The following NOS1AP variants were observed in gnomAD, a reference collection of about 807,000 sequenced individuals.
The protein encoded by NOS1AP is carboxyl-terminal PDZ ligand of neuronal nitric oxide synthase protein.
A neutral mutation model predicts 56.2 loss-of-function variants in NOS1AP; 21 were observed. The ratio of observed to expected loss-of-function variants is 0.37; its 90% CI spans 0.26 to 0.54. The LOEUF is 0.54. NOS1AP is among the 20% of genes least tolerant of loss of function. The probability of loss-of-function intolerance (pLI) is 0.84; values close to 1 mark genes in which losing one functional copy is unlikely to be tolerated. For missense variants in NOS1AP, 522 were observed against 657.8 expected (o/e 0.79, Z 2.26); for synonymous variants, 270 against 274.6 (o/e 0.98, Z 0.17).
At chr1:162,226,997 A>C (rs890232999) in intron 2 of NOS1AP, among the ~76,000 whole-genome samples, 1 of 152,160 alleles carries the variant, frequency 6.6e-6, no homozygotes, top group Non-Finnish European at 1.5e-5. Context: ...ATACTACCTG[A>C]AATGAAATGC....
intron 2 of NOS1AP, among the ~76,000 whole-genome samples, chr1:162,169,193 GGCT>G (rs1650647676): frequency 6.6e-6 from 1 of 152,192 alleles, no homozygotes; most frequent in Non-Finnish European, 1.5e-5. Flanking sequence ...CTGGAGCCCT[GGCT>G]TGACTTTTCT....
At chr1:162,075,095 A>T (rs1570988651) in intron 1 of NOS1AP, among the ~76,000 whole-genome samples, 4 of 152,282 alleles carry the variant, frequency 2.6e-5, no homozygotes, top group Admixed American at 2.6e-4. Context: ...ATATTGCTGA[A>T]GCTGTTTACC....
intron 4 of NOS1AP, among the ~76,000 whole-genome samples, chr1:162,327,726 C>A (rs1571221615): frequency 6.6e-6 from 1 of 152,158 alleles, no homozygotes; most frequent in African/African-American, 2.4e-5. Context: ...AGATGCTTTG[C>A]TAAAAATTCA....
intron 1 of NOS1AP, among the ~76,000 whole-genome samples, chr1:162,149,267 A>C (rs2102087455): frequency 6.6e-6 from 1 of 152,334 alleles, no homozygotes; most frequent in East Asian, 1.9e-4. Flanking sequence ...GAATTGACAG[A>C]GCCTGGATAT....
At chr1:162,127,186 A>G (rs994096677) in intron 1 of NOS1AP, among the ~76,000 whole-genome samples, 3 of 151,884 alleles carry the variant, frequency 2.0e-5, no homozygotes, top group African/African-American at 7.3e-5. Flanking sequence ...GCCCTTTGTG[A>G]TATGTTGTAA....
At chr1:162,085,444 G>T (rs1226539402) in intron 1 of NOS1AP, among the ~76,000 whole-genome samples, 1 of 152,114 alleles carries the variant, frequency 6.6e-6, no homozygotes, top group African/African-American at 2.4e-5. Flanking sequence ...GCAGGCAAAG[G>T]AAGTTTCACT....
At chr1:162,261,011 T>C in intron 2 of NOS1AP, among the ~76,000 whole-genome samples, 1 of 101,362 alleles carries the variant, frequency 9.9e-6, no homozygotes, top group East Asian at 5.0e-4. Context: ...ATTCCCAAGG[T>C]GACTAATATA....
At position 162,334,666 on chromosome 1, in the gene NOS1AP, G is replaced by A. The variant is rs191635532; in HGVS notation, c.453+1541G>A. Reference sequence around the variant, plus strand: ...TGACTGTGCTTCTGACTTTAGTTTCGTACAAAGACTGGACCATGTGGACCT... The same window carrying A: ...TGACTGTGCTTCTGACTTTAGTTTCATACAAAGACTGGACCATGTGGACCT... On this transcript the variant is annotated intron_variant, in intron 5 of 9. Coordinates refer to ENST00000361897, the MANE Select transcript of NOS1AP (RefSeq NM_014697.3). 5.9e-5 allele frequency among the ~76,000 whole-genome samples: 9 copies of A among 152,240 alleles called. No homozygotes were observed. The South Asian group carries it at 6.2e-4, about 11-fold the overall frequency.
At chr1:162,197,980 G>T (rs991126332) in intron 2 of NOS1AP, among the ~76,000 whole-genome samples, 1 of 152,224 alleles carries the variant, frequency 6.6e-6, no homozygotes, top group African/African-American at 2.4e-5. Context: ...CACCAGCCTC[G>T]CCCAGAGTGT....
At chr1:162,296,151 G>A (rs1655451447) in intron 3 of NOS1AP, among the ~76,000 whole-genome samples, 1 of 152,110 alleles carries the variant, frequency 6.6e-6, no homozygotes, top group Non-Finnish European at 1.5e-5. Context: ...GCTGGGCATG[G>A]TGGTGAGTGC....
chr1:162,096,701 G>A (rs1044370102), intron 1 of NOS1AP, among the ~76,000 whole-genome samples: 2 of 152,032 alleles, frequency 1.3e-5, no homozygotes, highest in Admixed American at 1.3e-4. Flanking sequence ...ATATAATATG[G>A]TGCTTATTCT....
intron 2 of NOS1AP, among the ~76,000 whole-genome samples, chr1:162,167,515 G>A (rs1041280422): frequency 6.6e-6 from 1 of 152,226 alleles, no homozygotes; most frequent in African/African-American, 2.4e-5. Flanking sequence ...TGCTTGGTCA[G>A]GACTTCCTCA....
chr1:162,324,249 C>T (rs1331027816), intron 4 of NOS1AP, among the ~76,000 whole-genome samples: 1 of 152,098 alleles, frequency 6.6e-6, no homozygotes, highest in Non-Finnish European at 1.5e-5. Context: ...TCAGATAACA[C>T]AGACACACAG....
chr1:162,247,580 TAGCAATATAA>T (rs889338393), intron 2 of NOS1AP, among the ~76,000 whole-genome samples: 4 of 152,192 alleles, frequency 2.6e-5, no homozygotes, highest in Admixed American at 1.3e-4. Context: ...ACTGGGGTAA[TAGCAATATAA>T]TTTCTACACT....
At chr1:162,365,059 C>T (rs538258010) in intron 8 of NOS1AP, 19 of 1,201,880 alleles carry the variant, frequency 1.6e-5, no homozygotes, top group Admixed American at 1.2e-4. Flanking sequence ...GAGCACCGTG[C>T]GTGTGTGTGT....
At chr1:162,081,281 G>A (rs907109464) in intron 1 of NOS1AP, among the ~76,000 whole-genome samples, 2 of 152,172 alleles carry the variant, frequency 1.3e-5, no homozygotes, top group African/African-American at 4.8e-5. Context: ...TTGTGGCTAT[G>A]TCCGGGACCC....
chr1:162,301,351 C>G (rs1251416027), intron 4 of NOS1AP, among the ~76,000 whole-genome samples: 1 of 152,176 alleles, frequency 6.6e-6, no homozygotes, highest in Admixed American at 6.5e-5. Flanking sequence ...TGGTGATGTC[C>G]TTCCCCTATG....
At chr1:162,216,975 T>C (rs924543795) in intron 2 of NOS1AP, among the ~76,000 whole-genome samples, 3 of 152,212 alleles carry the variant, frequency 2.0e-5, no homozygotes, top group African/African-American at 7.2e-5. Context: ...ATTGTGATTG[T>C]GGGTGCTGTT....
chr1:162,251,387 A>T (rs1214567124), intron 2 of NOS1AP, among the ~76,000 whole-genome samples: 1 of 152,068 alleles, frequency 6.6e-6, no homozygotes, highest in African/African-American at 2.4e-5. Context: ...TTATGAGTCA[A>T]CGTTTTATGT....
Sources: allele counts gnomAD v4.1 joint callset (sites outside exome capture counted in the v4.1 genomes callset), GRCh38; gene constraint gnomAD v4.1.1; transcripts MANE v1.5; gene names NCBI Gene and HGNC (gene_info 2026-07-23, HGNC 2026-07-21).